The following EGLN3 variants were observed in gnomAD, a reference collection of about 807,000 sequenced individuals.
EGLN3 encodes the protein prolyl hydroxylase EGLN3.
EGLN3 carries 15 observed loss-of-function variants against 26.0 expected under a neutral mutation model. The ratio of observed to expected loss-of-function variants is 0.58; its 90% CI spans 0.39 to 0.89. The LOEUF (loss-of-function observed/expected upper bound fraction) is 0.89, where lower values mean the gene tolerates loss of function less well. Ranked by LOEUF, EGLN3 falls within the 40% of genes least tolerant of loss-of-function variation. EGLN3 has a pLI of 0.00. For missense variants in EGLN3, 238 were observed against 311.6 expected (o/e 0.76, Z 1.78); for synonymous variants, 147 against 127.2 (o/e 1.16, Z -1.05).
intron 1 of EGLN3, among the ~76,000 whole-genome samples, chr14:33,940,732 A>G (rs555691229): frequency 6.6e-6 from 1 of 152,130 alleles, no homozygotes; most frequent in South Asian, 2.1e-4. Context: ...ATAAAGGTAA[A>G]GAGGAATTAG....
intron 1 of EGLN3, among the ~76,000 whole-genome samples, chr14:33,942,254 C>G (rs1028211590): frequency 1.3e-5 from 2 of 151,464 alleles, no homozygotes; most frequent in African/African-American, 4.9e-5. Context: ...AGAAAGGGCC[C>G]CTCAAGGATT....
rs72666232 is a variant in EGLN3 at position 33,929,047 on chromosome 14, G to C, written c.614+29C>G. On this transcript the variant is annotated intron_variant, in intron 3 of 4. Transcript: ENST00000250457. ...AACTAGGGTTTGTACACCAAGCTCC[G>C]GAAGAGGAATCATGGCTCCGGCTAT... 1.9e-6 allele frequency: 3 copies of C among 1,610,738 alleles called. No homozygotes were observed. In the African/African-American group the frequency reaches 4.0e-5, roughly 22 times the overall value.
rs1382433644 is a variant in EGLN3, at chr14:33,950,568, G to A, written c.185C>T (p.Ala62Val). 1.2e-6 allele frequency: 2 copies of A among 1,611,792 alleles called. No homozygotes were observed. Among genetic ancestry groups the A allele is most frequent in the Non-Finnish European group, 1.7e-6 (2 of 1,179,018 alleles). ...CTTGGAGACGCCGGCGCGCGGCCCC[G>A]CCAGCTGGCCGTCCCGCAGGGCCCC... is the stretch of plus-strand genomic sequence containing the variant. ...CTGALRDGQL[A>V]GPRAGVSKRH... is the part of the protein sequence containing the mutation. The change falls in exon 1 of 5, where the codon GCG becomes GTG. Residue 62 changes from alanine (A) to valine (V), a missense_variant. Coordinates refer to ENST00000250457, the MANE Select transcript of EGLN3 (RefSeq NM_022073.4).
chr14:33,935,738 C>T (rs1156910592), intron 1 of EGLN3, among the ~76,000 whole-genome samples: 2 of 152,110 alleles, frequency 1.3e-5, no homozygotes, highest in Admixed American at 1.3e-4. Context: ...CCATCTCTCT[C>T]CACCAGACTC....
Position 33,929,046 on chromosome 14 carries a change from C to T in EGLN3, c.614+30G>A, listed in dbSNP as rs774504200. 6 of 1,610,138 alleles carry T rather than the reference C, an allele frequency of 3.7e-6. 1 individual carries two copies. Among genetic ancestry groups the T allele is most frequent in the Middle Eastern group, 2.0e-4 (1 of 5,060 alleles). ...GAACTAGGGTTTGTACACCAAGCTC[C>T]GGAAGAGGAATCATGGCTCCGGCTA... On this transcript the variant is annotated intron_variant, in intron 3 of 4. Transcript: ENST00000250457.
rs566745255 is a variant in EGLN3 at position 33,935,999 on chromosome 14, G to A, written c.358-4784C>T. Reference sequence around the variant, plus strand: ...TGTAATCCCAGCACTTTGGGAGGCCGAGGTGGGTGGATCACAATGTCAGGA... The same window carrying A: ...TGTAATCCCAGCACTTTGGGAGGCCAAGGTGGGTGGATCACAATGTCAGGA... On this transcript the variant is annotated intron_variant, in intron 1 of 4. Coordinates refer to ENST00000250457, the MANE Select transcript of EGLN3 (RefSeq NM_022073.4). Among the ~76,000 whole-genome samples the A allele has an allele frequency of 1.4e-3, 215 of 152,202 alleles. 2 individuals carry two copies. The highest frequency in any genetic ancestry group is 5.0e-3 in the South Asian group (24 of 4,816).
At position 33,935,590 on chromosome 14, in the gene EGLN3, C is replaced by CACACAT. The variant is rs1359672270; in HGVS notation, c.358-4376_358-4375insATGTGT. Among the ~76,000 whole-genome samples, 443 of 65,462 alleles carry CACACAT rather than the reference C, an allele frequency of 6.8e-3. 2 individuals carry two copies. The highest frequency in any genetic ancestry group is 0.026 in the African/African-American group (418 of 16,140). The allele number at this position is 65,462 out of a possible 152,430, so 42.9% of individuals were successfully genotyped here. A position where few individuals can be genotyped will look rare whatever the true frequency, so the allele number is the denominator to read the frequency against. On this transcript the variant is annotated intron_variant, in intron 1 of 4. Coordinates refer to ENST00000250457, the MANE Select transcript of EGLN3 (RefSeq NM_022073.4). ...TTAATCAGGGCTATAAATAAATACA[C>CACACAT]ACACACACACACACACACACACACA...
chr14:33,938,927 TA>T (rs1340976369), intron 1 of EGLN3, among the ~76,000 whole-genome samples: 1 of 152,130 alleles, frequency 6.6e-6, no homozygotes, highest in East Asian at 1.9e-4. Flanking sequence ...AGAAACATAA[TA>T]TTCGACTTCC....
At position 33,950,452 on chromosome 14, in the gene EGLN3, G is replaced by A; in HGVS notation, c.301C>T (p.Leu101=). Residue 101 remains leucine, a synonymous_variant, in exon 1 of 5, where the codon CTG becomes TTG. Transcript: ENST00000250457. Reference sequence around the variant, plus strand: ...AGCCGGCTCCCGCAGTAGAGGACCAGCCTGTCGATGAGGGACAGGAGGAAG... The same window carrying A: ...AGCCGGCTCCCGCAGTAGAGGACCAACCTGTCGATGAGGGACAGGAGGAAG... ...ISFLLSLIDR[L]VLYCGSRLGK... is the part of the protein sequence containing the mutation. The A allele has an allele frequency of 1.2e-6, 2 of 1,613,594 alleles. No homozygotes were observed. Among genetic ancestry groups the A allele is most frequent in the Non-Finnish European group, 1.7e-6 (2 of 1,180,034 alleles).
chr14:33,932,616 ATC>A (rs2064412589), intron 1 of EGLN3, among the ~76,000 whole-genome samples: 1 of 152,102 alleles, frequency 6.6e-6, no homozygotes, highest in African/African-American at 2.4e-5. Context: ...TTAAATCACC[ATC>A]TCTCTCAAAC....
rs2064550052 is a variant in EGLN3, at chr14:33,950,391, C to T, written c.357+5G>A. The stretch of plus-strand genomic sequence containing the variant: ...AGCTGCGGCAGGGCGCCGAGCGCGT[C>T]CTACCTTAGACCTCTCCTTGACGTA... On this transcript the variant is annotated splice_donor_5th_base_variant and intron_variant, in intron 1 of 4. Transcript: ENST00000250457. 6.2e-7 allele frequency: 1 copy of T among 1,612,918 alleles called. No individual in the cohort carries two copies. Among genetic ancestry groups the T allele is most frequent in the East Asian group, 2.2e-5 (1 of 44,874 alleles).
At chr14:33,934,308 C>T (rs2064424788) in intron 1 of EGLN3, among the ~76,000 whole-genome samples, 1 of 152,074 alleles carries the variant, frequency 6.6e-6, no homozygotes, top group Non-Finnish European at 1.5e-5. Flanking sequence ...ACGTATGCAG[C>T]CATGTCCAGA....
Position 33,950,409 on chromosome 14 carries a change from T to A in EGLN3, c.344A>T (p.Lys115Met). 1 of 1,613,144 alleles carries A rather than the reference T, an allele frequency of 6.2e-7. No individual in the cohort carries two copies. Among genetic ancestry groups the A allele is most frequent in the Non-Finnish European group, 8.5e-7 (1 of 1,180,016 alleles). ...CGSRLGKYYV[K>M]ERSKAMVACY... ...AGCGCGTCCTACCTTAGACCTCTCC[T>A]TGACGTAGTATTTGCCCAGCCGGCT... Residue 115 changes from lysine (K) to methionine (M), a missense_variant, in exon 1 of 5, where the codon AAG (lysine) becomes ATG (methionine). Transcript: ENST00000250457.
At position 33,950,696 on chromosome 14, in the gene EGLN3, G is replaced by A; in HGVS notation, c.57C>T (p.Ile19=). Residue 19 remains isoleucine (I), a synonymous_variant, in exon 1 of 5, where the codon ATC becomes ATT. Transcript: ENST00000250457. ...LDLEKIALEY[I]VPCLHEVGFC... ...AGCCCACCTCGTGCAGACAGGGCACGATGTACTCCAGGGCAATTTTCTCCA... is the reference window on the plus strand; with the variant it reads ...AGCCCACCTCGTGCAGACAGGGCACAATGTACTCCAGGGCAATTTTCTCCA... 1 of 1,614,018 alleles carries A rather than the reference G, an allele frequency of 6.2e-7. No individual in the cohort carries two copies. Among genetic ancestry groups the A allele is most frequent in the Non-Finnish European group, 8.5e-7 (1 of 1,179,962 alleles).
intron 1 of EGLN3, among the ~76,000 whole-genome samples, chr14:33,933,027 G>A (rs551662412): frequency 1.3e-5 from 2 of 152,210 alleles, no homozygotes; most frequent in African/African-American, 4.8e-5. Context: ...CACTGAGTGT[G>A]TCTGAAAAGA....
intron 1 of EGLN3, among the ~76,000 whole-genome samples, chr14:33,935,523 A>T (rs112153234): frequency 7.2e-4 from 110 of 152,058 alleles, no homozygotes; most frequent in African/African-American, 2.5e-3. Context: ...AGGCAATCAG[A>T]TCTTTATGTA....
Position 33,924,406 on chromosome 14 carries a change from T to C in EGLN3, c.*1485A>G, listed in dbSNP as rs184942760. 4 of 152,278 alleles carry C rather than the reference T, an allele frequency of 2.6e-5. No homozygotes were observed. The East Asian group carries it at 7.7e-4, about 29-fold the overall frequency. The allele number at this position is 152,278 out of a possible 1,614,324, so 9.4% of individuals were successfully genotyped here. A position where few individuals can be genotyped will look rare whatever the true frequency, so the allele number is the denominator to read the frequency against. On this transcript the variant is annotated 3_prime_UTR_variant, in exon 5 of 5. Transcript: ENST00000250457. ...AAACATAATAAGTGAATAAATTACATAGTAATTTAGAAGGTGATAACTATT... is the reference window on the plus strand; with the variant it reads ...AAACATAATAAGTGAATAAATTACACAGTAATTTAGAAGGTGATAACTATT...
intron 1 of EGLN3, chr14:33,950,047 T>A (rs1193806395): frequency 1.8e-6 from 1 of 560,238 alleles, no homozygotes; most frequent in East Asian, 2.9e-5. Flanking sequence ...GTGTCTCAGA[T>A]GATACACAGT....
intron 1 of EGLN3, among the ~76,000 whole-genome samples, chr14:33,937,386 G>T (rs574078165): frequency 6.6e-6 from 1 of 152,190 alleles, no homozygotes; most frequent in Non-Finnish European, 1.5e-5. Context: ...GGTCATCTTT[G>T]TTGTTGGTTA....
Sources: allele counts gnomAD v4.1 joint callset (sites outside exome capture counted in the v4.1 genomes callset), GRCh38; gene constraint gnomAD v4.1.1; transcripts MANE v1.5; gene names NCBI Gene and HGNC (gene_info 2026-07-23, HGNC 2026-07-21).